KNG1: variants seen among roughly 807,000 people sequenced by gnomAD.
The protein encoded by KNG1 is kininogen-1.
A neutral mutation model predicts 47.8 loss-of-function variants in KNG1; 23 were observed. That is an observed-to-expected ratio of 0.48 (90% CI 0.35 to 0.68). The LOEUF is 0.68. KNG1 is among the 30% of genes least tolerant of loss of function. The pLI is 0.01. For missense variants in KNG1, 762 were observed against 790.2 expected, an observed-to-expected ratio of 0.96 and a Z score of 0.43; for synonymous variants, 277 against 277.0, an observed-to-expected ratio of 1.00 and a Z score of 0.00.
At chr3:186,723,655 CT>C (rs980363262) in intron 3 of KNG1, among the ~76,000 whole-genome samples, 35 of 146,946 alleles carry the variant, frequency 2.4e-4, no homozygotes, top group African/African-American at 6.5e-4. Context: ...CAATTTCTTT[CT>C]TTTTTTTTTT....
Position 186,727,335 on chromosome 3 carries a change from T to C in KNG1, c.663T>C (p.Leu221=). Residue 221 remains leucine, a synonymous_variant, in exon 5 of 10, where the codon CTT becomes CTC. Coordinates refer to ENST00000644859, the MANE Select transcript of KNG1 (RefSeq NM_001102416.3). ...TCTTAACTCCAGACTGCAAGTCCCTTTGGAATGGTGTAAGTAGGCAAAAAT... is the reference window on the plus strand; with the variant it reads ...TCTTAACTCCAGACTGCAAGTCCCTCTGGAATGGTGTAAGTAGGCAAAAAT... The part of the protein sequence containing the change: ...FLFLTPDCKS[L]WNGDTGECTD... 1 of 1,607,578 alleles carries C rather than the reference T, an allele frequency of 6.2e-7. No individual in the cohort carries two copies. The highest frequency in any genetic ancestry group is 8.5e-7 in the Non-Finnish European group (1 of 1,174,110).
At chr3:186,729,669 T>C (rs1013782158) in intron 5 of KNG1, among the ~76,000 whole-genome samples, 17 of 123,566 alleles carry the variant, frequency 1.4e-4, no homozygotes, top group Non-Finnish European at 2.5e-4. Context: ...AAATGTAATG[T>C]AGGCTTTTCT....
chr3:186,717,802 TCACA>T (rs10662949), intron 1 of KNG1, 65 bp downstream of exon 1: 16 of 1,056,372 alleles, frequency 1.5e-5, no homozygotes, highest in Non-Finnish European at 2.2e-5. Context: ...AGTCCAGGCC[TCACA>T]CACACACACA....
intron 4 of KNG1, among the ~76,000 whole-genome samples, chr3:186,725,542 G>GTTTTTTTTTTTTTTTTT (rs1560063426): frequency 3.3e-4 from 25 of 75,046 alleles, no homozygotes; most frequent in Admixed American, 4.4e-4. Context: ...CCGGCCTTAG[G>GTTTTTTTTTTTTTTTTT]ATTTTTTTTT....
At position 186,738,856 on chromosome 3, in the gene KNG1, A is replaced by C. The variant is rs1303914569; in HGVS notation, c.931-243A>C. ...AGCGAAACTCCATCTCAAAAAAAAA[A>C]AATAAAGAAAATTATAGCTTGCTTA... On this transcript the variant is annotated intron_variant, in intron 7 of 9. Transcript: ENST00000644859. 1.2e-5 allele frequency: 5 copies of C among 413,736 alleles called. No individual in the cohort carries two copies. The East Asian group carries it at 2.6e-4, about 22-fold the overall frequency. The allele number at this position is 413,736 out of a possible 1,614,324, so 25.6% of individuals were successfully genotyped here.
rs770521256 is a variant in KNG1 at position 186,722,456 on chromosome 3, C to A, written c.326C>A (p.Ala109Glu). The A allele has an allele frequency of 6.2e-7, 1 of 1,613,756 alleles. No individual in the cohort carries two copies. The highest frequency in any genetic ancestry group is 8.5e-7 in the Non-Finnish European group (1 of 1,179,684). ...TTTTAGGCCACTGGAGAATGCACGG[C>A]AACCGTGGGGAAGAGGAGCAGTACG... is the stretch of plus-strand genomic sequence containing the variant. Reference protein sequence around the residue: ...AAKAATGECTATVGKRSSTKF... With the variant: ...AAKAATGECTETVGKRSSTKF... Residue 109 changes from alanine to glutamate, a missense_variant, in exon 3 of 10, where the codon GCA (alanine) becomes GAA (glutamate). Transcript: ENST00000644859.
intron 3 of KNG1, among the ~76,000 whole-genome samples, chr3:186,724,639 T>C (rs1158949124): frequency 6.6e-6 from 1 of 152,144 alleles, no homozygotes; most frequent in East Asian, 1.9e-4. Flanking sequence ...GAATTCCTTG[T>C]ATATGCTGGA....
chr3:186,722,436 G>T lies in KNG1; in HGVS notation c.307-1G>T, dbSNP rs147117288. 1 of 1,610,916 alleles carries T rather than the reference G, an allele frequency of 6.2e-7. No homozygotes were observed. The highest frequency in any genetic ancestry group is 1.7e-5 in the Admixed American group (1 of 59,980). On this transcript the variant is annotated splice_acceptor_variant, in intron 2 of 9. Coordinates refer to ENST00000644859, the MANE Select transcript of KNG1 (RefSeq NM_001102416.3). LOFTEE classifies it high-confidence loss of function. ...AAATGATCTCTTTCTTTTCTTTTTA[G>T]GCCACTGGAGAATGCACGGCAACCG...
chr3:186,723,736 C>A (rs758783770), intron 3 of KNG1, among the ~76,000 whole-genome samples: 1 of 150,746 alleles, frequency 6.6e-6, no homozygotes, highest in Non-Finnish European at 1.5e-5. Flanking sequence ...CTCACTGCAA[C>A]CTCCCGGGTT....
At chr3:186,722,079 T>G (rs545728078) in intron 2 of KNG1, 148 of 194,724 alleles carry the variant, frequency 7.6e-4, no homozygotes, top group South Asian at 4.1e-3. Flanking sequence ...ATCGCACTGT[T>G]GCACTCCAGC....
chr3:186,741,532 T>G lies in KNG1; in HGVS notation c.1136T>G (p.Met379Arg), dbSNP rs765933558. 1 of 1,609,962 alleles carries G rather than the reference T, an allele frequency of 6.2e-7. No individual in the cohort carries two copies. The highest frequency in any genetic ancestry group is 1.1e-5 in the South Asian group (1 of 90,498). ...ATATTTTCTGTTTAGATCTCACTGA[T>G]GAAAAGGCCTCCAGGTTTTTCACCT... Reference protein sequence around the residue: ...NCQPLGMISLMKRPPGFSPFR... With the variant: ...NCQPLGMISLRKRPPGFSPFR... The change falls in exon 10 of 10, where the codon ATG becomes AGG. Residue 379 changes from methionine (M) to arginine (R), a missense_variant. Coordinates refer to ENST00000644859, the MANE Select transcript of KNG1 (RefSeq NM_001102416.3).
rs1437938769 is a variant in KNG1, at chr3:186,742,982, A to C, written c.*651A>C. On this transcript the variant is annotated 3_prime_UTR_variant, in exon 10 of 10. Coordinates refer to ENST00000644859, the MANE Select transcript of KNG1 (RefSeq NM_001102416.3). Reference sequence around the variant, plus strand: ...TGGCCAAAGGGAGGAAAGGGGGGACATAAATTAATTGACTTTCTATTCCCA... The same window carrying C: ...TGGCCAAAGGGAGGAAAGGGGGGACCTAAATTAATTGACTTTCTATTCCCA... 1.0e-5 allele frequency: 10 copies of C among 979,026 alleles called. No homozygotes were observed. The East Asian group carries it at 9.1e-4, about 89-fold the overall frequency. The allele number at this position is 979,026 out of a possible 1,614,324, so 60.6% of individuals were successfully genotyped here.
At chr3:186,719,959 G>T (rs1026817296) in intron 1 of KNG1, 146 bp from the exon 2 acceptor site, 1 of 698,092 alleles carries the variant, frequency 1.4e-6, no homozygotes, top group African/African-American at 1.8e-5. Flanking sequence ...TCACATAAAT[G>T]TTTATGATAG....
In KNG1 at chr3:186,741,677, T is replaced by C. The variant is rs1341884431; in HGVS notation, c.1281T>C (p.Arg427=). 2 of 1,614,196 alleles carry C rather than the reference T, an allele frequency of 1.2e-6. No homozygotes were observed. Among genetic ancestry groups the C allele is most frequent in the Admixed American group, 1.7e-5 (1 of 60,030 alleles). ...RDSGKEQGHT[R]RHDWGHEKQR... Reference sequence around the variant, plus strand: ...CAGGAAAAGAACAAGGGCATACTCGTAGACATGACTGGGGCCATGAAAAAC... The same window carrying C: ...CAGGAAAAGAACAAGGGCATACTCGCAGACATGACTGGGGCCATGAAAAAC... Residue 427 remains arginine, a synonymous_variant, in exon 10 of 10, where the codon CGT becomes CGC. Transcript: ENST00000644859.
chr3:186,720,783 GC>G (rs1720170494), intron 2 of KNG1, among the ~76,000 whole-genome samples: 1 of 63,450 alleles, frequency 1.6e-5, no homozygotes, highest in Non-Finnish European at 3.4e-5. Flanking sequence ...TTGTTGTTTT[GC>G]TTTTTTTTTT....
chr3:186,732,890 T>G (rs1720574958), intron 7 of KNG1, among the ~76,000 whole-genome samples: 1 of 152,186 alleles, frequency 6.6e-6, no homozygotes, highest in African/African-American at 2.4e-5. Flanking sequence ...TGTAAAGGAC[T>G]GAGGTGAGGA....
chr3:186,738,970 C>T, intron 7 of KNG1, 129 bp from the exon 8 acceptor site: 4 of 793,556 alleles, frequency 5.0e-6, no homozygotes, highest in Non-Finnish European at 8.4e-6. Context: ...CAAACGTGTA[C>T]TTTTTTGTAT....
In KNG1 at chr3:186,728,446, T is replaced by C. The variant is rs368929430; in HGVS notation, c.672+1102T>C. ...AGTAAATTACAGTATATCCATACAG[T>C]AGAATATGATACAGCTATCAAAAAT... On this transcript the variant is annotated intron_variant, in intron 5 of 9. Coordinates refer to ENST00000644859, the MANE Select transcript of KNG1 (RefSeq NM_001102416.3). The C allele has an allele frequency of 2.6e-5, 4 of 152,272 alleles. No homozygotes were observed. In the East Asian group the frequency reaches 5.8e-4, roughly 22 times the overall value. 9.4% of individuals were successfully genotyped at this position (152,272 alleles called of 1,614,324 possible).
intron 4 of KNG1, among the ~76,000 whole-genome samples, chr3:186,726,329 G>T (rs1360315205): frequency 6.8e-6 from 1 of 146,990 alleles, no homozygotes; most frequent in Non-Finnish European, 1.5e-5. Flanking sequence ...TGTTGCCCAG[G>T]CTGGAGGCTG....
Sources: allele counts gnomAD v4.1 joint callset (sites outside exome capture counted in the v4.1 genomes callset), GRCh38; gene constraint gnomAD v4.1.1; transcripts MANE v1.5; gene names NCBI Gene and HGNC (gene_info 2026-07-23, HGNC 2026-07-21).